Variants in TLN2 observed in about 807,000 individuals in gnomAD.
The protein encoded by TLN2 is talin 2.
In TLN2, 118 loss-of-function variants were observed where a neutral mutation model predicts 294.7. The observed-to-expected ratio is 0.40, with a 90% CI of 0.34 to 0.47. The LOEUF is 0.47. Among genes scored for constraint, TLN2 ranks in the 20% least tolerant of loss-of-function variants. The probability of loss-of-function intolerance (pLI) is 0.84; values close to 1 mark genes in which losing one functional copy is unlikely to be tolerated. For synonymous variants in TLN2, 1,431 were observed against 1,304.5 expected (o/e 1.10, Z -2.09); for missense variants, 3,083 against 3,282.2 (o/e 0.94, Z 1.48).
chr15:62,797,451 CT>C (rs780967865), intron 48 of TLN2, 49 bp downstream of exon 48: 1 of 1,524,810 alleles, frequency 6.6e-7, no homozygotes, highest in Non-Finnish European at 8.7e-7. Context: ...CCCGTGAACG[CT>C]GCACATCGGG....
chr15:62,598,639 C>G (rs1368308311), intron 2 of TLN2, among the ~76,000 whole-genome samples: 1 of 151,648 alleles, frequency 6.6e-6, no homozygotes, highest in African/African-American at 2.4e-5. Context: ...AAGTCAAGTA[C>G]ATTTGATTTT....
intron 1 of TLN2, among the ~76,000 whole-genome samples, chr15:62,537,027 T>G (rs888191645): frequency 6.6e-6 from 1 of 151,162 alleles, no homozygotes; most frequent in African/African-American, 2.4e-5. Context: ...TTGTAGTGTT[T>G]TTTTTTTTTT....
intron 2 of TLN2, among the ~76,000 whole-genome samples, chr15:62,600,718 C>T (rs903592880): frequency 3.9e-5 from 6 of 152,140 alleles, no homozygotes; most frequent in Non-Finnish European, 5.9e-5. Flanking sequence ...CAACTGTGCA[C>T]GTATTACCCA....
rs937092430 is a variant in TLN2, at chr15:62,753,926, G to A, written c.4476+10G>A. The A allele has an allele frequency of 1.9e-6, 3 of 1,576,168 alleles. No individual in the cohort carries two copies. The highest frequency in any genetic ancestry group is 2.6e-6 in the Non-Finnish European group (3 of 1,160,238). On this transcript the variant is annotated intron_variant, in intron 36 of 58. Transcript: ENST00000636159. ...CAGCAGCCCATCACAGGTAACTGTTGGGGAGGATGTAAGATTTCAAGCCCT... is the reference window on the plus strand; with the variant it reads ...CAGCAGCCCATCACAGGTAACTGTTAGGGAGGATGTAAGATTTCAAGCCCT...
intron 41 of TLN2, among the ~76,000 whole-genome samples, chr15:62,769,296 C>T (rs978032977): frequency 2.0e-5 from 3 of 152,244 alleles, no homozygotes; most frequent in Non-Finnish European, 4.4e-5. Context: ...CAGTGCCCTT[C>T]CTGGGGATGA....
In TLN2 at chr15:62,713,282, A is replaced by C. The variant is rs190710102; in HGVS notation, c.2634+1205A>C. The stretch of plus-strand genomic sequence containing the variant: ...GCAAACCTGCGTCTCAAAAAAAAAA[A>C]AAAAAAACAAAAAATAGATTCATTA... On this transcript the variant is annotated intron_variant, in intron 22 of 58. Coordinates refer to ENST00000636159, the MANE Select transcript of TLN2 (RefSeq NM_015059.3). 9.9e-3 allele frequency among the ~76,000 whole-genome samples: 1,489 copies of C among 151,060 alleles called. 33 individuals carry two copies. The highest frequency in any genetic ancestry group is 0.034 in the African/African-American group (1,399 of 41,176).
chr15:62,466,919 G>C (rs2037165729), intron 1 of TLN2, among the ~76,000 whole-genome samples: 1 of 152,230 alleles, frequency 6.6e-6, no homozygotes, highest in Admixed American at 6.5e-5. Context: ...TGCCCAGTGG[G>C]TGGGGAAGTT....
intron 1 of TLN2, among the ~76,000 whole-genome samples, chr15:62,396,425 A>C (rs1447097102): frequency 6.6e-6 from 1 of 152,200 alleles, no homozygotes; most frequent in Admixed American, 6.5e-5. Context: ...GTAATCTCTT[A>C]TCTCTTTGGA....
At chr15:62,814,568 C>T (rs1479549797) in intron 52 of TLN2, among the ~76,000 whole-genome samples, 4 of 152,070 alleles carry the variant, frequency 2.6e-5, no homozygotes, top group African/African-American at 9.7e-5. Flanking sequence ...AATGAAATAG[C>T]ATTATGTATT....
intron 1 of TLN2, among the ~76,000 whole-genome samples, chr15:62,580,044 G>T (rs896243842): frequency 6.6e-6 from 1 of 152,176 alleles, no homozygotes; most frequent in East Asian, 1.9e-4. Flanking sequence ...AAGCCAACAT[G>T]TGTCACTCTA....
At chr15:62,504,484 AG>A (rs2039475743) in intron 1 of TLN2, among the ~76,000 whole-genome samples, 1 of 152,046 alleles carries the variant, frequency 6.6e-6, no homozygotes, top group African/African-American at 2.4e-5. Context: ...CAGCCATATT[AG>A]ATGGATGGAA....
At chr15:62,702,366 C>T (rs749258634) in intron 18 of TLN2, among the ~76,000 whole-genome samples, 166 bp downstream of exon 18, 5 of 152,184 alleles carry the variant, frequency 3.3e-5, no homozygotes, top group Non-Finnish European at 7.3e-5. Context: ...AGCTCATCCA[C>T]ATTCAGGAGT....
intron 37 of TLN2, among the ~76,000 whole-genome samples, chr15:62,757,625 A>G (rs568152287): frequency 1.3e-5 from 2 of 152,292 alleles, no homozygotes; most frequent in Admixed American, 6.5e-5. Flanking sequence ...TTCTCCTCAC[A>G]GTGTCAAACC....
At chr15:62,710,037 G>A (rs1011291558) in intron 21 of TLN2, among the ~76,000 whole-genome samples, 13 of 152,206 alleles carry the variant, frequency 8.5e-5, no homozygotes, top group East Asian at 1.9e-4. Flanking sequence ...GCCCAACCTG[G>A]ACTTTTTTCA....
intron 1 of TLN2, among the ~76,000 whole-genome samples, chr15:62,575,075 G>T (rs1233052627): frequency 6.6e-6 from 1 of 152,168 alleles, no homozygotes; most frequent in African/African-American, 2.4e-5. Flanking sequence ...CACTTTGGGA[G>T]GCTGAGGTGG....
intron 2 of TLN2, among the ~76,000 whole-genome samples, chr15:62,612,189 C>T (rs1422164211): frequency 1.3e-5 from 2 of 152,192 alleles, no homozygotes; most frequent in Non-Finnish European, 2.9e-5. Flanking sequence ...CTTCACTCTA[C>T]GATCCTTCTA....
chr15:62,824,309 A>G (rs951254890), intron 54 of TLN2, among the ~76,000 whole-genome samples: 5 of 152,298 alleles, frequency 3.3e-5, no homozygotes, highest in African/African-American at 1.2e-4. Context: ...TGCTTGGTGG[A>G]AAAAACGGTT....
At chr15:62,538,804 G>C (rs2041507467) in intron 1 of TLN2, among the ~76,000 whole-genome samples, 1 of 152,088 alleles carries the variant, frequency 6.6e-6, no homozygotes, top group South Asian at 2.1e-4. Flanking sequence ...CTGTCATTCT[G>C]AAAAATTGTT....
intron 1 of TLN2, among the ~76,000 whole-genome samples, chr15:62,558,856 C>G (rs1052260157): frequency 2.6e-5 from 4 of 152,178 alleles, no homozygotes; most frequent in Admixed American, 1.3e-4. Flanking sequence ...CTAAAGCTGT[C>G]TGCGGTGGTT....
Sources: gnomAD v4.1 joint callset for allele counts (sites outside exome capture counted in the v4.1 genomes callset) on GRCh38, gnomAD v4.1.1 for gene constraint, MANE v1.5 for transcripts, NCBI Gene and HGNC (gene_info 2026-07-23, HGNC 2026-07-21) for gene names.